Variants in SLC9A8 observed in about 807,000 individuals in gnomAD.
The protein encoded by SLC9A8 is solute carrier family 9 member A8, also known as sodium/hydrogen exchanger 8.
In SLC9A8, 48 loss-of-function variants were observed where a neutral mutation model predicts 66.6. The ratio of observed to expected loss-of-function variants is 0.72; its 90% CI spans 0.57 to 0.92. The LOEUF (loss-of-function observed/expected upper bound fraction) is 0.92. SLC9A8 is among the 40% of genes least tolerant of loss of function. The probability of loss-of-function intolerance (pLI) is 0.00; values close to 1 mark genes in which losing one functional copy is unlikely to be tolerated. For synonymous variants in SLC9A8, 274 were observed against 282.6 expected, an observed-to-expected ratio of 0.97 and a Z score of 0.31; for missense variants, 599 against 747.3, an observed-to-expected ratio of 0.80 and a Z score of 2.31.
chr20:49,852,770 T>C (rs2088305397), intron 7 of SLC9A8, among the ~76,000 whole-genome samples: 1 of 150,902 alleles, frequency 6.6e-6, no homozygotes, highest in Admixed American at 6.6e-5. Context: ...CTGTCAGAAA[T>C]ACTCTGCCTC....
Position 49,888,271 on chromosome 20 carries a change from C to T in SLC9A8, c.*335C>T, listed in dbSNP as rs1214821193. 5.3e-5 allele frequency: 16 copies of T among 300,808 alleles called. No homozygotes were observed. Among genetic ancestry groups the T allele is most frequent in the Admixed American group, 1.5e-4 (3 of 20,630 alleles). The allele number at this position is 300,808 out of a possible 1,614,324, so 18.6% of individuals were successfully genotyped here. ...TACCCCCCCACCCGGAGGACCCCTG[C>T]GGCCCCCTGCCTAGAGGAGCACCAT... On this transcript the variant is annotated 3_prime_UTR_variant, in exon 16 of 16. Coordinates refer to ENST00000361573, the MANE Select transcript of SLC9A8 (RefSeq NM_015266.3).
At chr20:49,832,783 T>TG (rs990658033) in intron 3 of SLC9A8, among the ~76,000 whole-genome samples, 15 of 143,562 alleles carry the variant, frequency 1.0e-4, no homozygotes, top group African/African-American at 3.7e-4. Flanking sequence ...ATTCTGGGGG[T>TG]GGGGGTGGAG....
chr20:49,878,083 T>G lies in SLC9A8; in HGVS notation c.1158+20T>G, dbSNP rs370267945. ...TGCATAGTAAGTATTTTCCTTTTTT[T>G]TTTTAAATTTAATTACTTATTTGTA... is the stretch of plus-strand genomic sequence containing the variant. On this transcript the variant is annotated intron_variant, in intron 12 of 15. Transcript: ENST00000361573. 1,167 of 1,473,088 alleles carry G rather than the reference T, an allele frequency of 7.9e-4. 2 individuals carry two copies. Among genetic ancestry groups the G allele is most frequent in the Non-Finnish European group, 8.2e-4 (884 of 1,084,604 alleles). 91.3% of individuals were successfully genotyped at this position (1,473,088 alleles called of 1,614,324 possible).
At chr20:49,877,355 A>G (rs2089462815) in intron 11 of SLC9A8, among the ~76,000 whole-genome samples, 1 of 152,122 alleles carries the variant, frequency 6.6e-6, no homozygotes, top group South Asian at 2.1e-4. Flanking sequence ...GGGCCATCAC[A>G]GTTTAAGCAG....
chr20:49,887,899 C>T lies in SLC9A8; in HGVS notation c.1709C>T (p.Pro570Leu). The T allele has an allele frequency of 6.2e-7, 1 of 1,613,838 alleles. No individual in the cohort carries two copies. The highest frequency in any genetic ancestry group is 1.1e-5 in the South Asian group (1 of 91,042). The change falls in exon 16 of 16, where the codon CCC becomes CTC. Residue 570 changes from proline (P) to leucine (L), a missense_variant. Transcript: ENST00000361573. The stretch of plus-strand genomic sequence containing the variant: ...TGGTACGAGGAGGTACGCCAGGGCC[C>T]CTCCGGCTCCGAGGACGACGAGCAG... Reference protein sequence around the residue: ...NKWYEEVRQGPSGSEDDEQEL... With the variant: ...NKWYEEVRQGLSGSEDDEQEL...
In SLC9A8 at chr20:49,864,774, C is replaced by G. The variant is rs753429040; in HGVS notation, c.888C>G (p.Ser296=). The change falls in exon 10 of 16, where the codon TCC becomes TCG. Residue 296 remains serine (S), a synonymous_variant. Transcript: ENST00000361573. ...ATATTGACTTGAGGAAAACGCCTTCCTTGGAGTTTGGCATGATGATCATTT... is the reference window on the plus strand; with the variant it reads ...ATATTGACTTGAGGAAAACGCCTTCGTTGGAGTTTGGCATGATGATCATTT... The part of the protein sequence containing the change: ...LKHIDLRKTP[S]LEFGMMIIFA... 1 of 1,614,134 alleles carries G rather than the reference C, an allele frequency of 6.2e-7. No individual in the cohort carries two copies. Among genetic ancestry groups the G allele is most frequent in the South Asian group, 1.1e-5 (1 of 91,074 alleles).
At chr20:49,814,816 A>G (rs1057406146) in intron 1 of SLC9A8, among the ~76,000 whole-genome samples, 192 bp from the exon 2 acceptor site, 2 of 152,130 alleles carry the variant, frequency 1.3e-5, no homozygotes, top group African/African-American at 2.4e-5. Context: ...ATTCAAAAGC[A>G]CCAGAGGCCA....
At chr20:49,854,022 C>A (rs570393078) in intron 7 of SLC9A8, among the ~76,000 whole-genome samples, 1 of 152,308 alleles carries the variant, frequency 6.6e-6, no homozygotes, top group African/African-American at 2.4e-5. Context: ...TCCTTTTCCC[C>A]CTAGACCCAG....
chr20:49,855,530 TGGTCTTTGGA>T lies in SLC9A8; in HGVS notation c.664_673del (p.Val222LysfsTer12). On this transcript the variant is annotated frameshift_variant, in exon 8 of 16. Transcript: ENST00000361573. LOFTEE classifies it high-confidence loss of function. Reference sequence around the variant, plus strand: ...CATGTGGACCCCGTGCTCAACATGCTGGTCTTTGGAGAAAGTATTCTCAACGATGCAGTCT... The same window carrying T: ...CATGTGGACCCCGTGCTCAACATGCTGAAAGTATTCTCAACGATGCAGTCT... The T allele has an allele frequency of 6.2e-7, 1 of 1,614,212 alleles. No homozygotes were observed. The highest frequency in any genetic ancestry group is 8.5e-7 in the Non-Finnish European group (1 of 1,180,038).
chr20:49,841,089 G>C (rs1025235097), intron 4 of SLC9A8, among the ~76,000 whole-genome samples: 6 of 152,144 alleles, frequency 3.9e-5, no homozygotes, highest in African/African-American at 1.4e-4. Flanking sequence ...TGGATCATCT[G>C]AGGTCAGGAG....
At chr20:49,871,555 T>G (rs1309134301) in intron 10 of SLC9A8, among the ~76,000 whole-genome samples, 4 of 152,270 alleles carry the variant, frequency 2.6e-5, no homozygotes, top group African/African-American at 4.8e-5. Flanking sequence ...CGCTTTTGTG[T>G]TTCTGTAGCC....
chr20:49,837,201 C>T (rs1600687684), intron 3 of SLC9A8, among the ~76,000 whole-genome samples: 1 of 152,308 alleles, frequency 6.6e-6, no homozygotes, highest in East Asian at 1.9e-4. Context: ...GTTGTCCCAC[C>T]TTTCCAGACC....
At chr20:49,882,131 C>T (rs2089647978) in intron 13 of SLC9A8, among the ~76,000 whole-genome samples, 1 of 152,186 alleles carries the variant, frequency 6.6e-6, no homozygotes, top group East Asian at 1.9e-4. Flanking sequence ...CTCCTTCCCA[C>T]AAAACACCAG....
rs114085263 is a variant in SLC9A8, at chr20:49,862,556, C to T, written c.714-373C>T. On this transcript the variant is annotated intron_variant, in intron 8 of 15. Transcript: ENST00000361573. ...GATTACAGGTGTGAGCCACCACGCC[C>T]GGCATCAGCCCACATTTTCTCAAGC... 3.3e-3 allele frequency among the ~76,000 whole-genome samples: 510 copies of T among 152,250 alleles called. 2 individuals carry two copies. The highest frequency in any genetic ancestry group is 0.012 in the African/African-American group (495 of 41,544).
intron 11 of SLC9A8, 31 bp from the exon 12 acceptor site, chr20:49,877,950 G>A: frequency 6.7e-7 from 1 of 1,485,690 alleles, no homozygotes; most frequent in Non-Finnish European, 9.2e-7. Context: ...AATCATTGGG[G>A]TTGAATAATC....
At position 49,851,256 on chromosome 20, in the gene SLC9A8, C is replaced by T. The variant is rs187501678; in HGVS notation, c.569+412C>T. 1.3e-3 allele frequency among the ~76,000 whole-genome samples: 193 copies of T among 152,252 alleles called. 1 individual carries two copies. The highest frequency in any genetic ancestry group is 4.5e-3 in the African/African-American group (185 of 41,556). ...GAGAAACTTTCCTCTGGGATTCCCA[C>T]GAAGCCTGTGGTGGGGGAAGCAGGG... On this transcript the variant is annotated intron_variant, in intron 7 of 15. Transcript: ENST00000361573.
intron 5 of SLC9A8, among the ~76,000 whole-genome samples, chr20:49,845,816 C>T (rs1342773418): frequency 6.6e-6 from 1 of 152,100 alleles, no homozygotes; most frequent in Non-Finnish European, 1.5e-5. Context: ...TTGCAACTCC[C>T]AGTGTGAGAT....
rs746414477 is a variant in SLC9A8, at chr20:49,823,105, C to T, written c.253C>T (p.His85Tyr). 7.4e-6 allele frequency: 12 copies of T among 1,612,206 alleles called. No homozygotes were observed. Among genetic ancestry groups the T allele is most frequent in the Non-Finnish European group, 9.3e-6 (11 of 1,179,342 alleles). Residue 85 changes from histidine to tyrosine, a missense_variant, in exon 3 of 16, where the codon CAT becomes TAT. Physicochemically the swap from His to Tyr is moderately conservative, Grantham distance 83. Transcript: ENST00000361573. The stretch of plus-strand genomic sequence containing the variant: ...GCATTTACTGATCCGATACAGATTA[C>T]ATTTCTTGCCAGAGAGTGTTGCTGT... ...LVHLLIRYRLHFLPESVAVVS... is the reference protein window; with the variant it reads ...LVHLLIRYRLYFLPESVAVVS...
At chr20:49,826,609 G>A (rs1221889967) in intron 3 of SLC9A8, among the ~76,000 whole-genome samples, 1 of 152,102 alleles carries the variant, frequency 6.6e-6, no homozygotes, top group Non-Finnish European at 1.5e-5. Context: ...GTGTCTGTCT[G>A]GCCACTTTTC....
Sources: gnomAD v4.1 joint callset for allele counts (sites outside exome capture counted in the v4.1 genomes callset) on GRCh38, gnomAD v4.1.1 for gene constraint, MANE v1.5 for transcripts, NCBI Gene and HGNC (gene_info 2026-07-23, HGNC 2026-07-21) for gene names.